EDDM13: variants seen among roughly 807,000 people sequenced by gnomAD.
The protein encoded by EDDM13 is epididymal protein 13.
In EDDM13, 24 loss-of-function variants were observed where a neutral mutation model predicts 17.8. The observed-to-expected ratio is 1.35, with a 90% CI of 0.98 to 1.90. The LOEUF is 1.90. Among genes scored for constraint, EDDM13 ranks in the 40% most tolerant of loss-of-function variants. The pLI, the probability that EDDM13 is intolerant of heterozygous loss-of-function variation, is 0.00. For missense variants in EDDM13, 97 were observed against 100.8 expected (o/e 0.96, Z 0.16); for synonymous variants, 31 against 37.5 (o/e 0.83, Z 0.63).
chr19:56,293,846 C>T (rs1019854207), intron 9 of EDDM13, among the ~76,000 whole-genome samples: 9 of 151,840 alleles, frequency 5.9e-5, no homozygotes, highest in Non-Finnish European at 1.3e-4. Flanking sequence ...GGACACCCCA[C>T]CCCCACAACA....
Position 56,284,580 on chromosome 19 carries a change from T to C in EDDM13, c.127+374T>C, listed in dbSNP as rs558459140. 3.4e-4 allele frequency among the ~76,000 whole-genome samples: 49 copies of C among 145,142 alleles called. No individual in the cohort carries two copies. The South Asian group carries it at 4.0e-3, about 12-fold the overall frequency. ...CTCAGGCTGGAGTGCAGTGGCACAA[T>C]TGTAGGTCACTGCAGCCTCTGCCTC... On this transcript the variant is annotated intron_variant, in intron 5 of 14. Coordinates refer to ENST00000649256, the MANE Select transcript of EDDM13 (RefSeq NM_001354658.2).
chr19:56,285,687 G>A (rs1463873742), intron 6 of EDDM13, among the ~76,000 whole-genome samples: 1 of 152,010 alleles, frequency 6.6e-6, no homozygotes, highest in Non-Finnish European at 1.5e-5. Context: ...CACTATGTCG[G>A]CCAGGCTGGT....
chr19:56,276,420 T>C (rs1489598030), intron 2 of EDDM13, among the ~76,000 whole-genome samples: 1 of 151,702 alleles, frequency 6.6e-6, no homozygotes, highest in East Asian at 1.9e-4. Flanking sequence ...CCTTGGCTTA[T>C]GTTTAACACC....
intron 13 of EDDM13, among the ~76,000 whole-genome samples, chr19:56,304,126 C>T (rs1028210460): frequency 5.3e-5 from 8 of 151,994 alleles, no homozygotes; most frequent in African/African-American, 1.9e-4. Context: ...GGAATCAGGG[C>T]GAGAGTGGGA....
In EDDM13 at chr19:56,276,506, CT is replaced by C. The variant is rs3059506; in HGVS notation, c.103+410del. Among the ~76,000 whole-genome samples the C allele has an allele frequency of 9.0e-3, 1,252 of 139,634 alleles. 16 individuals carry two copies. Among genetic ancestry groups the C allele is most frequent in the African/African-American group, 0.029 (1,112 of 38,300 alleles). 91.6% of individuals were successfully genotyped at this position (139,634 alleles called of 152,430 possible). On this transcript the variant is annotated intron_variant, in intron 2 of 14. Coordinates refer to ENST00000649256, the MANE Select transcript of EDDM13 (RefSeq NM_001354658.2). ...AAAATTATTAAGGATCTAAAGAGCT[CT>C]TTTTTTTTTTTTCCAGTGAGGGTTA...
At chr19:56,303,544 G>A (rs991727492) in intron 13 of EDDM13, among the ~76,000 whole-genome samples, 1 of 151,828 alleles carries the variant, frequency 6.6e-6, no homozygotes, top group African/African-American at 2.4e-5. Flanking sequence ...CAAGACGGAA[G>A]GGAAGGAGGG....
At position 56,285,025 on chromosome 19, in the gene EDDM13, G is replaced by GT; in HGVS notation, c.154+2dup. ...CTCATGAGCAGACTGTCACCGGATG[G>GT]TAAGTGTCAGGATTGTATCTTTTAA... On this transcript the variant is annotated splice_donor_variant, in intron 6 of 14. Coordinates refer to ENST00000649256, the MANE Select transcript of EDDM13 (RefSeq NM_001354658.2). LOFTEE classifies it high-confidence loss of function. The GT allele has an allele frequency of 1.0e-6, 1 of 985,274 alleles. No individual in the cohort carries two copies. The highest frequency in any genetic ancestry group is 1.2e-6 in the Non-Finnish European group (1 of 829,816). 61.0% of individuals were successfully genotyped at this position (985,274 alleles called of 1,614,324 possible). A position where few individuals can be genotyped will look rare whatever the true frequency, so the allele number is the denominator to read the frequency against.
intron 5 of EDDM13, 21 bp downstream of exon 5, chr19:56,284,227 C>T (rs2038934138): frequency 1.0e-6 from 1 of 974,344 alleles, no homozygotes; most frequent in Non-Finnish European, 1.2e-6. Flanking sequence ...TGCCACTTCA[C>T]AATGCCCCCA....
At chr19:56,299,907 A>G (rs1555806795) in intron 12 of EDDM13, 2 of 152,206 alleles carry the variant, frequency 1.3e-5, no homozygotes, top group Non-Finnish European at 1.5e-5. Flanking sequence ...CGTTCTTGCT[A>G]TCACCACTTG....
intron 13 of EDDM13, among the ~76,000 whole-genome samples, chr19:56,304,169 A>G (rs1057373090): frequency 6.6e-6 from 1 of 152,264 alleles, no homozygotes; most frequent in East Asian, 1.9e-4. Flanking sequence ...ACACACTGAG[A>G]GGAGGCCCGA....
chr19:56,298,514 G>A (rs190358050), intron 12 of EDDM13, among the ~76,000 whole-genome samples: 14 of 151,718 alleles, frequency 9.2e-5, no homozygotes, highest in African/African-American at 2.4e-4. Flanking sequence ...TTAGCCAGGC[G>A]TGGTGGCGGG....
intron 9 of EDDM13, among the ~76,000 whole-genome samples, chr19:56,292,945 AT>A (rs1180709021): frequency 6.6e-6 from 1 of 152,094 alleles, no homozygotes; most frequent in Non-Finnish European, 1.5e-5. Context: ...GATAGACTGC[AT>A]TTTTTAATCC....
rs2039325294 is a variant in EDDM13, at chr19:56,288,907, G to A, written c.226+16G>A. 6.6e-6 allele frequency among the ~76,000 whole-genome samples: 1 copy of A among 152,196 alleles called. No homozygotes were observed. Among genetic ancestry groups the A allele is most frequent in the Non-Finnish European group, 1.5e-5 (1 of 68,044 alleles). On this transcript the variant is annotated intron_variant, in intron 8 of 14. Coordinates refer to ENST00000649256, the MANE Select transcript of EDDM13 (RefSeq NM_001354658.2). ...GAAGAAGAAAGTAAGTACTGTGACA[G>A]TTTTTGTCTCTGAAATTAGATTCTC...
intron 14 of EDDM13, among the ~76,000 whole-genome samples, chr19:56,305,305 C>T (rs1276282016): frequency 3.9e-5 from 6 of 152,230 alleles, no homozygotes; most frequent in Non-Finnish European, 8.8e-5. Flanking sequence ...AACTCACCTA[C>T]TCTGGTCATT....
chr19:56,295,650 C>T (rs1469146496), intron 9 of EDDM13, among the ~76,000 whole-genome samples: 4 of 152,052 alleles, frequency 2.6e-5, no homozygotes, highest in Non-Finnish European at 5.9e-5. Flanking sequence ...AATGGCGTGG[C>T]GGCTTCCTTC....
intron 12 of EDDM13, chr19:56,299,792 A>C (rs1402289027): frequency 6.6e-6 from 1 of 152,186 alleles, no homozygotes; most frequent in Non-Finnish European, 1.5e-5. Context: ...TTGGGATTTT[A>C]AAAAGTATTT....
intron 6 of EDDM13, among the ~76,000 whole-genome samples, chr19:56,285,331 G>A (rs760098262): frequency 1.1e-4 from 17 of 152,154 alleles, no homozygotes; most frequent in South Asian, 2.1e-4. Flanking sequence ...CCACATTCCC[G>A]GCTCTGCTCT....
At chr19:56,286,730 G>A (rs1156405855) in intron 6 of EDDM13, 2 of 152,158 alleles carry the variant, frequency 1.3e-5, no homozygotes, top group African/African-American at 4.8e-5. Context: ...AAGAGAATTG[G>A]AGAGAGAAAA....
At chr19:56,302,503 G>T (rs2040329815) in intron 13 of EDDM13, among the ~76,000 whole-genome samples, 2 of 54,912 alleles carry the variant, frequency 3.6e-5, no homozygotes, top group African/African-American at 1.8e-4. Context: ...TTCCCTCTCT[G>T]CCCTTCTTTC....
Sources: gnomAD v4.1 joint callset for allele counts (sites outside exome capture counted in the v4.1 genomes callset) on GRCh38, gnomAD v4.1.1 for gene constraint, MANE v1.5 for transcripts, NCBI Gene and HGNC (gene_info 2026-07-23, HGNC 2026-07-21) for gene names.